Variants in PRKG1 observed in about 807,000 individuals in gnomAD.
PRKG1 encodes the protein protein kinase cGMP-dependent 1.
In PRKG1, 35 loss-of-function variants were observed where a neutral mutation model predicts 88.1. The observed-to-expected ratio is 0.40, with a 90% CI of 0.30 to 0.53. The LOEUF (loss-of-function observed/expected upper bound fraction) is 0.53. Ranked by LOEUF, PRKG1 falls within the 20% of genes least tolerant of loss-of-function variation. The pLI is 0.59. For missense variants in PRKG1, 540 were observed against 839.8 expected (o/e 0.64, Z 4.41); for synonymous variants, 303 against 292.5 (o/e 1.04, Z -0.37).
intron 9 of PRKG1, among the ~76,000 whole-genome samples, chr10:52,164,862 T>G (rs1341129991): frequency 6.6e-6 from 1 of 152,186 alleles, no homozygotes; most frequent in Non-Finnish European, 1.5e-5. Flanking sequence ...ACAATCAAAC[T>G]AACACATCTA....
chr10:51,344,902 A>G (rs1564455087), intron 2 of PRKG1, among the ~76,000 whole-genome samples: 4 of 152,204 alleles, frequency 2.6e-5, no homozygotes, highest in Non-Finnish European at 5.9e-5. Context: ...GGTCCACAAA[A>G]TTCATGCACA....
chr10:51,711,130 G>T (rs1841738778), intron 3 of PRKG1, among the ~76,000 whole-genome samples: 1 of 151,990 alleles, frequency 6.6e-6, no homozygotes, highest in African/African-American at 2.4e-5. Context: ...TTTTGAGATG[G>T]AGTCTCGCTC....
intron 2 of PRKG1, among the ~76,000 whole-genome samples, chr10:51,317,957 C>T (rs7906598): frequency 0.033 from 5,006 of 152,276 alleles, 265 homozygotes; most frequent in African/African-American, 0.11. Context: ...CACAAGCCAG[C>T]CCAAACATCT....
chr10:51,031,098 C>G (rs1843276148), intron 1 of PRKG1, among the ~76,000 whole-genome samples: 1 of 152,132 alleles, frequency 6.6e-6, no homozygotes, highest in Admixed American at 6.6e-5. Context: ...TGGAAAAGAT[C>G]AATCTTGACT....
intron 1 of PRKG1, among the ~76,000 whole-genome samples, chr10:51,010,448 T>A (rs1355479369): frequency 6.6e-6 from 1 of 152,244 alleles, no homozygotes; most frequent in Non-Finnish European, 1.5e-5. Flanking sequence ...GCTCCCTCAC[T>A]ATGCTGAAAT....
chr10:51,142,660 C>G (rs537523376), intron 1 of PRKG1, among the ~76,000 whole-genome samples: 11 of 152,182 alleles, frequency 7.2e-5, no homozygotes, highest in African/African-American at 2.6e-4. Context: ...CTCATATGAA[C>G]TTGGCAGGCA....
chr10:51,093,797 T>TAC (rs1371514655), intron 1 of PRKG1, among the ~76,000 whole-genome samples: 72 of 117,566 alleles, frequency 6.1e-4, no homozygotes, highest in African/African-American at 1.8e-3. Flanking sequence ...TTTATATATA[T>TAC]ATATACACAC....
At chr10:51,433,986 G>A (rs1314223028) in intron 2 of PRKG1, among the ~76,000 whole-genome samples, 7 of 152,016 alleles carry the variant, frequency 4.6e-5, no homozygotes, top group Admixed American at 4.6e-4. Flanking sequence ...CAAATTTAAG[G>A]GACTTTCCTA....
intron 8 of PRKG1, among the ~76,000 whole-genome samples, chr10:52,136,438 G>A (rs1837425012): frequency 6.6e-6 from 1 of 152,044 alleles, no homozygotes; most frequent in South Asian, 2.1e-4. Context: ...AAAGCATGAA[G>A]CAAGGAAATC....
At chr10:52,130,312 A>G (rs1041786773) in intron 7 of PRKG1, among the ~76,000 whole-genome samples, 1 of 152,094 alleles carries the variant, frequency 6.6e-6, no homozygotes. Context: ...ATTTTCCCCA[A>G]TCTACATTTA....
intron 4 of PRKG1, among the ~76,000 whole-genome samples, chr10:51,832,381 T>G (rs1589331874): frequency 6.6e-6 from 1 of 152,190 alleles, no homozygotes; most frequent in Non-Finnish European, 1.5e-5. Context: ...ATTATCTAAA[T>G]CAAGGTTTGG....
intron 3 of PRKG1, chr10:51,698,209 C>T (rs781327433): frequency 1.2e-6 from 2 of 1,614,176 alleles, no homozygotes; most frequent in South Asian, 1.1e-5. Flanking sequence ...TTGCTTCCAT[C>T]CCTCTGGTTT....
chr10:52,018,094 G>T (rs1461665273), intron 5 of PRKG1, among the ~76,000 whole-genome samples: 1 of 152,046 alleles, frequency 6.6e-6, no homozygotes, highest in Non-Finnish European at 1.5e-5. Context: ...ATCAACTCAG[G>T]GGTGACTTAC....
chr10:51,558,341 A>G (rs1837366763), intron 3 of PRKG1, among the ~76,000 whole-genome samples: 1 of 152,126 alleles, frequency 6.6e-6, no homozygotes, highest in East Asian at 1.9e-4. Context: ...CCAGGAATCA[A>G]GAAAAATTAA....
intron 1 of PRKG1, among the ~76,000 whole-genome samples, chr10:51,005,025 G>A (rs1842927167): frequency 6.6e-6 from 1 of 152,028 alleles, no homozygotes; most frequent in African/African-American, 2.4e-5. Context: ...CCTTTTATAG[G>A]ATGGCAACCT....
intron 3 of PRKG1, among the ~76,000 whole-genome samples, chr10:51,549,249 A>AAAG (rs1405968611): frequency 6.8e-6 from 1 of 147,742 alleles, no homozygotes; most frequent in Admixed American, 6.9e-5. Flanking sequence ...TCAGCCTCCC[A>AAAG]AAGTAGCTGG....
intron 3 of PRKG1, among the ~76,000 whole-genome samples, chr10:51,714,358 T>C (rs1267808453): frequency 6.6e-6 from 1 of 152,118 alleles, no homozygotes; most frequent in East Asian, 1.9e-4. Context: ...GGAAAGAGTG[T>C]CTACAAACTC....
intron 2 of PRKG1, among the ~76,000 whole-genome samples, chr10:51,273,465 A>G (rs926263939): frequency 6.6e-6 from 1 of 152,158 alleles, no homozygotes; most frequent in Non-Finnish European, 1.5e-5. Flanking sequence ...TCGAGGCTAC[A>G]GTGAGCCATG....
At chr10:51,178,393 CT>C (rs1328335992) in intron 2 of PRKG1, among the ~76,000 whole-genome samples, 1 of 152,168 alleles carries the variant, frequency 6.6e-6, no homozygotes, top group African/African-American at 2.4e-5. Flanking sequence ...AATCCTAGCA[CT>C]TTGGGAGACC....
Sources: gnomAD v4.1 joint callset for allele counts (sites outside exome capture counted in the v4.1 genomes callset) on GRCh38, gnomAD v4.1.1 for gene constraint, MANE v1.5 for transcripts, NCBI Gene and HGNC (gene_info 2026-07-23, HGNC 2026-07-21) for gene names.